CHEK2: variants seen among roughly 807,000 people sequenced by gnomAD.
CHEK2 encodes checkpoint kinase 2.
CHEK2 carries 71 observed loss-of-function variants against 69.1 expected under a neutral mutation model. That is an observed-to-expected ratio of 1.03 (90% CI 0.85 to 1.25). CHEK2 has a LOEUF of 1.25. CHEK2 is among the 50% of genes most tolerant of loss of function. CHEK2 has a pLI of 0.00. For missense variants in CHEK2, 664 were observed against 649.6 expected (o/e 1.02, Z -0.24); for synonymous variants, 189 against 226.9 (o/e 0.83, Z 1.50).
intron 8 of CHEK2, among the ~76,000 whole-genome samples, chr22:28,701,954 ATTT>A (rs35082981): frequency 6.9e-6 from 1 of 145,732 alleles, no homozygotes; most frequent in African/African-American, 2.5e-5. Context: ...CCCATATACT[ATTT>A]TTTTTTTTTT....
intron 1 of CHEK2, among the ~76,000 whole-genome samples, chr22:28,741,240 A>G (rs910376052): frequency 6.6e-6 from 1 of 151,514 alleles, no homozygotes; most frequent in African/African-American, 2.4e-5. Context: ...AAAATTCCAG[A>G]GGTCTTTCAA....
intron 13 of CHEK2, among the ~76,000 whole-genome samples, chr22:28,691,822 C>A (rs1474013277): frequency 6.6e-6 from 1 of 152,158 alleles, no homozygotes; most frequent in Admixed American, 6.5e-5. Context: ...ACTGGGCACT[C>A]TGTTAATGAC....
chr22:28,723,221 A>G (rs1398391963), intron 4 of CHEK2, among the ~76,000 whole-genome samples: 6 of 152,344 alleles, frequency 3.9e-5, no homozygotes, highest in African/African-American at 1.4e-4. Flanking sequence ...CTTGTGCACG[A>G]TAACCTTGTA....
chr22:28,727,482 A>G (rs978684611), intron 2 of CHEK2, among the ~76,000 whole-genome samples: 1 of 152,168 alleles, frequency 6.6e-6, no homozygotes, highest in African/African-American at 2.4e-5. Context: ...ATTAGAACAT[A>G]ACCTCCAGGA....
At chr22:28,688,100 T>C in intron 14 of CHEK2, 114 bp from the exon 15 acceptor site, 1 of 849,838 alleles carries the variant, frequency 1.2e-6, no homozygotes, top group Non-Finnish European at 1.9e-6. Flanking sequence ...TGTGAAATTC[T>C]AGAACCAAAA....
chr22:28,719,191 G>A (rs2053681882), intron 5 of CHEK2, among the ~76,000 whole-genome samples: 1 of 152,010 alleles, frequency 6.6e-6, no homozygotes, highest in Non-Finnish European at 1.5e-5. Context: ...GCAACACCCT[G>A]TCTCACAAAG....
intron 7 of CHEK2, 112 bp from the exon 8 acceptor site, chr22:28,703,678 G>T (rs1481055910): frequency 1.4e-6 from 1 of 707,052 alleles, no homozygotes; most frequent in Non-Finnish European, 2.5e-6. Flanking sequence ...CAGGCATCTG[G>T]CCCCCTGCCT....
chr22:28,704,162 A>C (rs1026390082), intron 7 of CHEK2, among the ~76,000 whole-genome samples: 3 of 138,610 alleles, frequency 2.2e-5, no homozygotes, highest in South Asian at 2.4e-4. Context: ...ACACACACAC[A>C]CCTATGGCTG....
At chr22:28,718,267 T>C (rs1337192026) in intron 5 of CHEK2, among the ~76,000 whole-genome samples, 1 of 152,076 alleles carries the variant, frequency 6.6e-6, no homozygotes, top group Admixed American at 6.6e-5. Flanking sequence ...ATCAAAAAGA[T>C]GAATAATAAC....
intron 7 of CHEK2, among the ~76,000 whole-genome samples, chr22:28,709,569 C>T (rs1396826576): frequency 2.0e-5 from 3 of 152,154 alleles, no homozygotes; most frequent in Non-Finnish European, 4.4e-5. Context: ...TGAATGTACA[C>T]ATAAGTTAAA....
intron 7 of CHEK2, among the ~76,000 whole-genome samples, chr22:28,708,377 G>GTGTGTGTGTA (rs1555919295): frequency 6.6e-6 from 1 of 150,674 alleles, no homozygotes; most frequent in Non-Finnish European, 1.5e-5. Context: ...GTGTGTGTGT[G>GTGTGTGTGTA]TGTGTGTGTG....
chr22:28,721,931 A>G (rs2053801446), intron 4 of CHEK2, among the ~76,000 whole-genome samples: 1 of 151,724 alleles, frequency 6.6e-6, no homozygotes, highest in Non-Finnish European at 1.5e-5. Flanking sequence ...GGGTCTCACT[A>G]TGTTGCCCAA....
intron 1 of CHEK2, among the ~76,000 whole-genome samples, chr22:28,740,571 T>C (rs2054526899): frequency 6.6e-6 from 1 of 152,250 alleles, no homozygotes; most frequent in Non-Finnish European, 1.5e-5. Flanking sequence ...ATAAATATAC[T>C]ATTGTGTACG....
chr22:28,721,597 A>G lies in CHEK2; in HGVS notation c.593-2112T>C, dbSNP rs569139520. 4 of 462,950 alleles carry G rather than the reference A, an allele frequency of 8.6e-6. No individual in the cohort carries two copies. In the East Asian group the frequency reaches 2.8e-4, roughly 32 times the overall value. The allele number at this position is 462,950 out of a possible 1,614,324, so 28.7% of individuals were successfully genotyped here. ...CCACCGCGCCCCGCCGTATTTTTGA[A>G]AATCAGCTGAGAGAGTAGATTTTAA... On this transcript the variant is annotated intron_variant, in intron 4 of 14. Coordinates refer to ENST00000404276, the MANE Select transcript of CHEK2 (RefSeq NM_007194.4).
chr22:28,690,113 C>T (rs2052302674), intron 13 of CHEK2, among the ~76,000 whole-genome samples: 1 of 152,104 alleles, frequency 6.6e-6, no homozygotes, highest in Non-Finnish European at 1.5e-5. Flanking sequence ...CCCCTCCTCC[C>T]ACTGAGCCAA....
rs1418971926 is a variant in CHEK2 at position 28,734,467 on chromosome 22, A to G, written c.255T>C (p.Pro85=). The G allele has an allele frequency of 6.2e-7, 1 of 1,613,576 alleles. No individual in the cohort carries two copies. Among genetic ancestry groups the G allele is most frequent in the Admixed American group, 1.7e-5 (1 of 59,966 alleles). ...CCCAGGGGGCAGGGGTAGGCTCCTCAGGTTCTTGGTCCTCAGGTTCTTGGT... is the reference window on the plus strand; with the variant it reads ...CCCAGGGGGCAGGGGTAGGCTCCTCGGGTTCTTGGTCCTCAGGTTCTTGGT... ...PEDQEPEDQE[P]EEPTPAPWAR... The change falls in exon 2 of 15, where the codon CCT becomes CCC. Residue 85 remains proline, a synonymous_variant. Coordinates refer to ENST00000404276, the MANE Select transcript of CHEK2 (RefSeq NM_007194.4).
chr22:28,731,851 G>A (rs1029172044), intron 2 of CHEK2, among the ~76,000 whole-genome samples: 2 of 151,930 alleles, frequency 1.3e-5, no homozygotes, highest in Admixed American at 6.6e-5. Context: ...ACTTTTAAAG[G>A]TGATGTATCC....
At chr22:28,727,548 C>T (rs900944788) in intron 2 of CHEK2, among the ~76,000 whole-genome samples, 3 of 152,150 alleles carry the variant, frequency 2.0e-5, no homozygotes, top group African/African-American at 7.2e-5. Flanking sequence ...GGATATTGCA[C>T]ATGGCAGGTA....
chr22:28,696,363 G>A (rs2052585902), intron 10 of CHEK2, among the ~76,000 whole-genome samples: 1 of 152,168 alleles, frequency 6.6e-6, no homozygotes, highest in African/African-American at 2.4e-5. Flanking sequence ...CAGCGCATGT[G>A]ATTACTCATT....
Sources: allele counts gnomAD v4.1 joint callset (sites outside exome capture counted in the v4.1 genomes callset), GRCh38; gene constraint gnomAD v4.1.1; transcripts MANE v1.5; gene names NCBI Gene and HGNC (gene_info 2026-07-23, HGNC 2026-07-21).